NPSR1: variants seen among roughly 807,000 people sequenced by gnomAD.
NPSR1 encodes neuropeptide S receptor 1, also known as neuropeptide S receptor.
Under a neutral mutation model 46.9 loss-of-function variants are expected in NPSR1, and 48 were observed. The ratio of observed to expected loss-of-function variants is 1.02; its 90% CI spans 0.81 to 1.30. The LOEUF (loss-of-function observed/expected upper bound fraction) is 1.30. NPSR1 is among the 50% of genes most tolerant of loss of function. The pLI is 0.00. For synonymous variants in NPSR1, 176 were observed against 168.1 expected (o/e 1.05, Z -0.36); for missense variants, 450 against 449.5 (o/e 1.00, Z -0.01).
At chr7:34,850,357 C>T (rs923612817), downstream of NPSR1, among the ~76,000 whole-genome samples, 1 of 151,218 alleles carries the variant, frequency 6.6e-6, no homozygotes, top group Non-Finnish European at 1.5e-5. Context: ...TGACTTCCAG[C>T]CTCTGAGAGC....
intron 8 of NPSR1, among the ~76,000 whole-genome samples, chr7:34,874,912 A>C (rs895353461): frequency 2.3e-4 from 35 of 152,230 alleles, no homozygotes; most frequent in East Asian, 1.2e-3. Context: ...TCCTGGCTCC[A>C]ACTACCTCTG....
intron 2 of NPSR1, among the ~76,000 whole-genome samples, chr7:34,744,601 A>C (rs940098658): frequency 6.6e-6 from 1 of 152,216 alleles, no homozygotes; most frequent in Non-Finnish European, 1.5e-5. Flanking sequence ...AAGTCTCCCC[A>C]TTCCTTCTTC....
chr7:34,777,258 C>A (rs1250572058), intron 2 of NPSR1, among the ~76,000 whole-genome samples: 4 of 152,080 alleles, frequency 2.6e-5, no homozygotes, highest in Non-Finnish European at 5.9e-5. Flanking sequence ...TTCTGACCAC[C>A]AGGATTGGTG....
intron 2 of NPSR1, among the ~76,000 whole-genome samples, chr7:34,717,755 C>G (rs955457364): frequency 1.3e-5 from 2 of 152,168 alleles, no homozygotes; most frequent in African/African-American, 4.8e-5. Flanking sequence ...ATTTGAGTGC[C>G]GCTCATCAGT....
chr7:34,707,574 C>T (rs1021600670), intron 2 of NPSR1, among the ~76,000 whole-genome samples: 20 of 152,184 alleles, frequency 1.3e-4, no homozygotes, highest in Admixed American at 4.6e-4. Context: ...CTTACTATGG[C>T]GAGGCATGGT....
chr7:34,820,016 C>T (rs1034020787), intron 4 of NPSR1, among the ~76,000 whole-genome samples: 4 of 152,096 alleles, frequency 2.6e-5, no homozygotes, highest in African/African-American at 9.7e-5. Flanking sequence ...CACATGTATA[C>T]CTATGTATCC....
chr7:34,855,771 A>T (rs986347607), intron 8 of NPSR1, among the ~76,000 whole-genome samples: 2 of 152,200 alleles, frequency 1.3e-5, no homozygotes, highest in African/African-American at 2.4e-5. Flanking sequence ...TTCCAAAAAA[A>T]AATTACCAAT....
intron 2 of NPSR1, among the ~76,000 whole-genome samples, chr7:34,764,262 G>A (rs1317537796): frequency 6.6e-6 from 1 of 152,174 alleles, no homozygotes; most frequent in Non-Finnish European, 1.5e-5. Context: ...TTATTAATGT[G>A]CTGGTTGAAA....
rs144699317 is a variant in NPSR1, at chr7:34,686,734, C to A, written c.280+2050C>A. Among the ~76,000 whole-genome samples the A allele has an allele frequency of 7.8e-4, 118 of 151,930 alleles. 1 individual carries two copies. The highest frequency in any genetic ancestry group is 2.7e-3 in the African/African-American group (113 of 41,444). The stretch of plus-strand genomic sequence containing the variant: ...GTCCCTAACGAGGCACTCAAAGCAC[C>A]CTCCTTTCCTTTATTTTCTTTAAAA... On this transcript the variant is annotated intron_variant, in intron 2 of 8. Coordinates refer to ENST00000360581, the MANE Select transcript of NPSR1 (RefSeq NM_207172.2).
intron 2 of NPSR1, among the ~76,000 whole-genome samples, chr7:34,689,431 C>T (rs62464153): frequency 0.019 from 2,841 of 151,312 alleles, 38 homozygotes; most frequent in African/African-American, 0.036. Context: ...CGGTGATACC[C>T]GGTTTCTACT....
At chr7:34,733,247 C>T (rs1041985409) in intron 2 of NPSR1, among the ~76,000 whole-genome samples, 4 of 151,922 alleles carry the variant, frequency 2.6e-5, no homozygotes, top group East Asian at 1.9e-4. Flanking sequence ...TGGTGAAACC[C>T]CATCTCTACT....
intron 2 of NPSR1, among the ~76,000 whole-genome samples, chr7:34,705,341 C>T (rs1481173990): frequency 6.6e-6 from 1 of 151,092 alleles, no homozygotes. Context: ...GTGGGAGGAT[C>T]GCTTGAATCC....
At chr7:34,708,000 T>G (rs1438873663) in intron 2 of NPSR1, among the ~76,000 whole-genome samples, 1 of 152,182 alleles carries the variant, frequency 6.6e-6, no homozygotes, top group African/African-American at 2.4e-5. Context: ...TGTATCCTAA[T>G]CTTCTCTTCT....
chr7:34,854,384 T>C (rs925454062), downstream of NPSR1, among the ~76,000 whole-genome samples: 1 of 152,122 alleles, frequency 6.6e-6, no homozygotes, highest in African/African-American at 2.4e-5. Context: ...ACTGATTTTT[T>C]AAAAAATAAA....
chr7:34,790,897 T>TTATATTATATATCA (rs1249581906), intron 3 of NPSR1, among the ~76,000 whole-genome samples: 1,566 of 129,426 alleles, frequency 0.012, 136 homozygotes, highest in African/African-American at 0.048. Context: ...ATCATATATG[T>TTATATTATATATCA]TATATGTTAT....
At chr7:34,791,230 T>TTATATTATATATGTTATATGTTA (rs1787858507) in intron 3 of NPSR1, among the ~76,000 whole-genome samples, 3 of 132,008 alleles carry the variant, frequency 2.3e-5, no homozygotes, top group Non-Finnish European at 3.1e-5. Flanking sequence ...ATGTTATATA[T>TTATATTATATATGTTATATGTTA]TATATTATAT....
intron 2 of NPSR1, chr7:34,711,556 A>G (rs1167533223): frequency 6.6e-6 from 1 of 152,214 alleles, no homozygotes; most frequent in Non-Finnish European, 1.5e-5. Flanking sequence ...AAAAAAAAAT[A>G]CATAGTTAAA....
chr7:34,855,485 T>A (rs547650156), intron 8 of NPSR1, among the ~76,000 whole-genome samples: 132 of 151,852 alleles, frequency 8.7e-4, no homozygotes, highest in Non-Finnish European at 1.6e-3. Context: ...CAAAACAAAT[T>A]GAAAATATAG....
rs1241198238 is a variant in NPSR1 at position 34,712,264 on chromosome 7, T to A, written c.280+27580T>A. Among the ~76,000 whole-genome samples, 5 of 152,228 alleles carry A rather than the reference T, an allele frequency of 3.3e-5. No homozygotes were observed. In the East Asian group the frequency reaches 9.6e-4, roughly 29 times the overall value. On this transcript the variant is annotated intron_variant, in intron 2 of 8. Transcript: ENST00000360581. ...TATACTTACATAATATTAATTTAAT[T>A]AATTGTCAGAAACCATAGATACTCA... is the stretch of plus-strand genomic sequence containing the variant.
Sources: allele counts gnomAD v4.1 joint callset (sites outside exome capture counted in the v4.1 genomes callset), GRCh38; gene constraint gnomAD v4.1.1; transcripts MANE v1.5; gene names NCBI Gene and HGNC (gene_info 2026-07-23, HGNC 2026-07-21).